The following ZNF577 variants were observed in gnomAD, a reference collection of about 807,000 sequenced individuals.
ZNF577 encodes the protein zinc finger protein 577.
Under a neutral mutation model 13.9 loss-of-function variants are expected in ZNF577, and 14 were observed. That is an observed-to-expected ratio of 1.00 (90% CI 0.66 to 1.57). ZNF577 has a LOEUF of 1.57. Ranked by LOEUF, ZNF577 falls within the 40% of genes most tolerant of loss-of-function variation. The probability of loss-of-function intolerance (pLI) is 0.00; values close to 1 mark genes in which losing one functional copy is unlikely to be tolerated. For synonymous variants in ZNF577, 203 were observed against 202.9 expected, an observed-to-expected ratio of 1.00 and a Z score of 0.00; for missense variants, 555 against 579.2, an observed-to-expected ratio of 0.96 and a Z score of 0.43.
chr19:51,885,009 A>C (rs77146299), intron 1 of ZNF577, among the ~76,000 whole-genome samples: 2,288 of 152,348 alleles, frequency 0.015, 73 homozygotes, highest in African/African-American at 0.052. Context: ...GGTTTTAATC[A>C]TTTGAAATGT....
chr19:51,823,952 C>A, intron 9 of ZNF577: 1 of 1,614,026 alleles, frequency 6.2e-7, no homozygotes, highest in Non-Finnish European at 8.5e-7. Context: ...TGAACCTGGC[C>A]CTAGCTGACT....
downstream of ZNF577, among the ~76,000 whole-genome samples, chr19:51,866,006 T>A (rs1254157155): frequency 1.3e-5 from 2 of 151,558 alleles, no homozygotes; most frequent in Admixed American, 1.3e-4. Flanking sequence ...TCCCAGCTAC[T>A]CAGAAGGCTG....
intron 9 of ZNF577, among the ~76,000 whole-genome samples, chr19:51,813,661 T>C (rs978588632): frequency 6.6e-6 from 1 of 151,874 alleles, no homozygotes; most frequent in African/African-American, 2.4e-5. Context: ...CTCCCGAATA[T>C]CTGGGACTAG....
intron 9 of ZNF577, among the ~76,000 whole-genome samples, chr19:51,832,088 T>C (rs2122519524): frequency 6.6e-6 from 1 of 152,334 alleles, no homozygotes; most frequent in South Asian, 2.1e-4. Context: ...ATCACCTCCC[T>C]TCTCTCATTC....
rs773346598 is a variant in ZNF577 at position 51,873,419 on chromosome 19, A to G, written c.571T>C (p.Cys191Arg). 9 of 1,614,096 alleles carry G rather than the reference A, an allele frequency of 5.6e-6. No homozygotes were observed. The highest frequency in any genetic ancestry group is 3.3e-5 in the Admixed American group (2 of 60,020). Residue 191 changes from cysteine (C) to arginine (R), a missense_variant, in exon 6 of 6, where the codon TGT becomes CGT. Coordinates refer to ENST00000638348, the MANE Select transcript of ZNF577 (RefSeq NM_001370449.1). ...ATCTTCCTCATGAATGTTTTCCCACATTCACCACATCCATGGGGTTTCTCT... is the reference window on the plus strand; with the variant it reads ...ATCTTCCTCATGAATGTTTTCCCACGTTCACCACATCCATGGGGTTTCTCT... ...RGEKPHGCGE[C>R]GKTFMRKIQL...
In ZNF577 at chr19:51,873,234, G is replaced by A. The variant is rs2084693818; in HGVS notation, c.756C>T (p.Ser252=). 4 of 1,613,872 alleles carry A rather than the reference G, an allele frequency of 2.5e-6. No individual in the cohort carries two copies. Among genetic ancestry groups the A allele is most frequent in the Non-Finnish European group, 3.4e-6 (4 of 1,179,820 alleles). The change falls in exon 6 of 6, where the codon AGC becomes AGT. Residue 252 remains serine (S), a synonymous_variant. Coordinates refer to ENST00000638348, the MANE Select transcript of ZNF577 (RefSeq NM_001370449.1). ...GATGTCTATTGAGCCGGCACTTCCG[G>A]CTGAAGGCTTTTCCGCATTTGCTGC... is the stretch of plus-strand genomic sequence containing the variant. ...YRCSKCGKAF[S]RKCRLNRHQR...
At chr19:51,857,667 G>A (rs371960924) in intron 5 of ZNF577, among the ~76,000 whole-genome samples, 13 of 152,202 alleles carry the variant, frequency 8.5e-5, no homozygotes, top group African/African-American at 2.4e-4. Flanking sequence ...ACCAGCCTTC[G>A]GGTGGGTGAT....
rs1213879396 is a variant in ZNF577, at chr19:51,867,099, T to A, written c.*5433A>T. ...TCACCTGTATTCACACTTAAGGCACTCTGTATGAAGCTACATTTCCTCATT... is the reference window on the plus strand; with the variant it reads ...TCACCTGTATTCACACTTAAGGCACACTGTATGAAGCTACATTTCCTCATT... On this transcript the variant is annotated 3_prime_UTR_variant, in exon 6 of 6. Transcript: ENST00000638348. Among the ~76,000 whole-genome samples the A allele has an allele frequency of 6.6e-6, 1 of 152,230 alleles. No homozygotes were observed.
rs2084980517 is a variant in ZNF577 at position 51,887,942 on chromosome 19, C to A, written c.-1340G>T. 1 of 152,230 alleles carries A rather than the reference C, an allele frequency of 6.6e-6. No individual in the cohort carries two copies. Among genetic ancestry groups the A allele is most frequent in the South Asian group, 2.1e-4 (1 of 4,830 alleles). The allele number at this position is 152,230 out of a possible 1,614,324, so 9.4% of individuals were successfully genotyped here. A position where few individuals can be genotyped will look rare whatever the true frequency, so the allele number is the denominator to read the frequency against. ...CCCCACACACTGCAGACGCGACACT[C>A]GCAAGTTTCGGGGATGGCGGCCGGC... On this transcript the variant is annotated 5_prime_UTR_variant, in exon 1 of 6. Transcript: ENST00000638348.
At position 51,870,577 on chromosome 19, in the gene ZNF577, C is replaced by T. The variant is rs1272676997; in HGVS notation, c.*1955G>A. Among the ~76,000 whole-genome samples the T allele has an allele frequency of 6.6e-6, 1 of 151,858 alleles. No homozygotes were observed. The highest frequency in any genetic ancestry group is 2.1e-4 in the South Asian group (1 of 4,798). On this transcript the variant is annotated 3_prime_UTR_variant, in exon 6 of 6. Transcript: ENST00000638348. ...TGTGTGTAATCCAAGGATTTTTCTG[C>T]GTGTTCATTTCTTCCTGTTCTTCCT...
intron 10 of ZNF577, among the ~76,000 whole-genome samples, chr19:51,810,556 G>A (rs1348958651): frequency 6.6e-6 from 1 of 152,178 alleles, no homozygotes; most frequent in Non-Finnish European, 1.5e-5. Context: ...CTGAATAAGG[G>A]CCATTACCTA....
At chr19:51,809,547 AGCAATAATTG>A (rs2084083411) in intron 10 of ZNF577, among the ~76,000 whole-genome samples, 1 of 152,212 alleles carries the variant, frequency 6.6e-6, no homozygotes, top group Non-Finnish European at 1.5e-5. Context: ...GCAGGGAATA[AGCAATAATTG>A]AGCAGTATAT....
At chr19:51,825,592 C>A (rs2084227068) in intron 9 of ZNF577, 1 of 167,108 alleles carries the variant, frequency 6.0e-6, no homozygotes, top group Non-Finnish European at 1.5e-5. Context: ...TATGGGAGTT[C>A]TGAAGCAGAA....
chr19:51,858,775 TA>T (rs34599080), intron 5 of ZNF577, among the ~76,000 whole-genome samples: 8 of 151,988 alleles, frequency 5.3e-5, no homozygotes, highest in East Asian at 3.9e-4. Flanking sequence ...CTCATTTTGT[TA>T]AAAAAAAGTC....
At position 51,886,801 on chromosome 19, in the gene ZNF577, T is replaced by C. The variant is rs2084953864; in HGVS notation, c.-219+20A>G. ...AGCTTTTTTCCACAAATAAGGAAAC[T>C]GACTCAGAGATTAACGTACCCAAGT... On this transcript the variant is annotated intron_variant, in intron 1 of 5. Transcript: ENST00000638348. The C allele has an allele frequency of 6.6e-6, 1 of 152,198 alleles. No homozygotes were observed. Among genetic ancestry groups the C allele is most frequent in the Non-Finnish European group, 1.5e-5 (1 of 68,038 alleles). The allele number at this position is 152,198 out of a possible 1,614,324, so 9.4% of individuals were successfully genotyped here.
In ZNF577 at chr19:51,806,287, G is replaced by C. The variant is rs59974934; in HGVS notation, c.*818-1033C>G. Among the ~76,000 whole-genome samples the C allele has an allele frequency of 8.7e-3, 1,326 of 152,168 alleles. 20 individuals are homozygous for C. The highest frequency in any genetic ancestry group is 0.03 in the African/African-American group (1,254 of 41,496). ...GCAAGCACCTTGAGGGCACCCACAT[G>C]GCTTGTCAATCTCCTGTAAACACAC... On this transcript the variant is annotated intron_variant and NMD_transcript_variant, in intron 10 of 10. Coordinates refer to the ZNF577 transcript ENST00000638827.
At chr19:51,823,743 G>A in intron 9 of ZNF577, 2 of 1,571,844 alleles carry the variant, frequency 1.3e-6, no homozygotes, top group Non-Finnish European at 1.7e-6. Flanking sequence ...TTTCAGGTGT[G>A]GGAAGATGGA....
Position 51,870,391 on chromosome 19 carries a change from G to T in ZNF577, c.*2141C>A, listed in dbSNP as rs2084640484. On this transcript the variant is annotated 3_prime_UTR_variant, in exon 6 of 6. Transcript: ENST00000638348. ...ATTGCTAACTTACTTGGAAAGTATG[G>T]CCTTTTCATGGCTTGCATGTATGCT... is the stretch of plus-strand genomic sequence containing the variant. 6.6e-6 allele frequency among the ~76,000 whole-genome samples: 1 copy of T among 152,136 alleles called. No individual in the cohort carries two copies. Among genetic ancestry groups the T allele is most frequent in the Non-Finnish European group, 1.5e-5 (1 of 68,040 alleles).
intron 4 of ZNF577, 27 bp downstream of exon 4, chr19:51,878,362 G>T (rs1483406070): frequency 1.2e-6 from 2 of 1,609,916 alleles, no homozygotes; most frequent in Non-Finnish European, 1.7e-6. Context: ...AGAAAGAAAA[G>T]GTAAGTGACG....
Sources: allele counts gnomAD v4.1 joint callset (sites outside exome capture counted in the v4.1 genomes callset), GRCh38; gene constraint gnomAD v4.1.1; transcripts MANE v1.5; gene names NCBI Gene and HGNC (gene_info 2026-07-23, HGNC 2026-07-21).